Variants in TESK2 observed in about 807,000 individuals in gnomAD.
TESK2 encodes testis associated actin remodelling kinase 2, also known as dual specificity testis-specific protein kinase 2.
In TESK2, 39 loss-of-function variants were observed where a neutral mutation model predicts 57.1. The ratio of observed to expected loss-of-function variants is 0.68; its 90% CI spans 0.53 to 0.89. The LOEUF is 0.89. Ranked by LOEUF, TESK2 falls within the 40% of genes least tolerant of loss-of-function variation. TESK2 has a pLI of 0.00. For missense variants in TESK2, 646 were observed against 732.1 expected (o/e 0.88, Z 1.36); for synonymous variants, 249 against 267.9 (o/e 0.93, Z 0.69).
chr1:45,442,294 C>CT lies in TESK2; in HGVS notation c.222+15269dup, dbSNP rs76484911. ...GTATGTGAATTATTTCTCACTAAAG[C>CT]TTTTTTTTTTTTAAATTTACATTGA... On this transcript the variant is annotated intron_variant, in intron 2 of 10. Coordinates refer to ENST00000372086, the MANE Select transcript of TESK2 (RefSeq NM_007170.3). Among the ~76,000 whole-genome samples the CT allele has an allele frequency of 9.2e-4, 134 of 144,904 alleles. 1 individual carries two copies. Among genetic ancestry groups the CT allele is most frequent in the East Asian group, 8.0e-3 (40 of 5,016 alleles).
At chr1:45,398,666 C>T (rs990538132) in intron 3 of TESK2, 12 of 188,588 alleles carry the variant, frequency 6.4e-5, no homozygotes, top group African/African-American at 2.8e-4. Context: ...TTTTTGAGGG[C>T]AGGGATCCTG....
At chr1:45,432,088 A>G (rs1650989087) in intron 2 of TESK2, among the ~76,000 whole-genome samples, 1 of 151,912 alleles carries the variant, frequency 6.6e-6, no homozygotes, top group Non-Finnish European at 1.5e-5. Context: ...TCTACAAAAA[A>G]TACAAAAAAC....
intron 3 of TESK2, among the ~76,000 whole-genome samples, chr1:45,395,207 A>T (rs1649310911): frequency 6.6e-6 from 1 of 152,156 alleles, no homozygotes; most frequent in African/African-American, 2.4e-5. Flanking sequence ...TGAGAAATGC[A>T]TTCTTAGGTG....
chr1:45,344,096 G>C lies in TESK2; in HGVS notation c.*744C>G, dbSNP rs1647101834. The stretch of plus-strand genomic sequence containing the variant: ...CCCTGTATAAACCATTTAACCAATT[G>C]AATGTATCACATGTTGATAAATACA... On this transcript the variant is annotated 3_prime_UTR_variant, in exon 11 of 11. Transcript: ENST00000372086. 5.5e-6 allele frequency: 1 copy of C among 183,372 alleles called. No homozygotes were observed. The allele number at this position is 183,372 out of a possible 1,614,324, so 11.4% of individuals were successfully genotyped here.
intron 2 of TESK2, among the ~76,000 whole-genome samples, chr1:45,441,210 G>T (rs988399133): frequency 1.3e-5 from 2 of 152,036 alleles, no homozygotes; most frequent in Non-Finnish European, 2.9e-5. Flanking sequence ...TCGCTACATC[G>T]CCCAGGCTGG....
At chr1:45,417,016 G>A (rs1650272127) in intron 3 of TESK2, among the ~76,000 whole-genome samples, 1 of 151,864 alleles carries the variant, frequency 6.6e-6, no homozygotes, top group African/African-American at 2.4e-5. Flanking sequence ...TCGATCTCTT[G>A]ACCTCGTGAT....
chr1:45,442,270 T>C (rs1021065048), intron 2 of TESK2, among the ~76,000 whole-genome samples: 7 of 152,134 alleles, frequency 4.6e-5, no homozygotes, highest in African/African-American at 1.4e-4. Context: ...ACTTTTATGG[T>C]ATGTGAATTA....
chr1:45,385,045 C>A lies in TESK2; in HGVS notation c.393+867G>T, dbSNP rs559713433. On this transcript the variant is annotated intron_variant, in intron 4 of 10. Transcript: ENST00000372086. The stretch of plus-strand genomic sequence containing the variant: ...AGCCAGTAAAAAACCAACACTCTTG[C>A]AAATTCTGTTAAACAACTTTCCTTC... Among the ~76,000 whole-genome samples the A allele has an allele frequency of 2.7e-4, 41 of 152,250 alleles. 1 individual carries two copies. Among genetic ancestry groups the A allele is most frequent in the Admixed American group, 2.3e-3 (35 of 15,284 alleles).
intron 1 of TESK2, among the ~76,000 whole-genome samples, chr1:45,487,065 G>A (rs904450318): frequency 2.0e-5 from 3 of 151,854 alleles, no homozygotes; most frequent in African/African-American, 7.3e-5. Flanking sequence ...CTGACCTCAA[G>A]TGATCCACCC....
At chr1:45,443,492 C>A (rs1018926001) in intron 2 of TESK2, among the ~76,000 whole-genome samples, 4 of 145,002 alleles carry the variant, frequency 2.8e-5, no homozygotes, top group African/African-American at 1.0e-4. Flanking sequence ...ATCGCTTGAA[C>A]CCGGAAGGTG....
intron 3 of TESK2, among the ~76,000 whole-genome samples, chr1:45,406,890 T>A (rs1280522535): frequency 6.6e-6 from 1 of 152,178 alleles, no homozygotes; most frequent in Non-Finnish European, 1.5e-5. Context: ...CAACTCTTTT[T>A]AGCTATTTAT....
In TESK2 at chr1:45,454,362, T is replaced by C. The variant is rs377060740; in HGVS notation, c.222+3202A>G. Reference sequence around the variant, plus strand: ...ACCATGTGTACATACTTAACAGTTGTGTTAAGTATGTACTTAACATAATTA... The same window carrying C: ...ACCATGTGTACATACTTAACAGTTGCGTTAAGTATGTACTTAACATAATTA... On this transcript the variant is annotated intron_variant, in intron 2 of 10. Coordinates refer to ENST00000372086, the MANE Select transcript of TESK2 (RefSeq NM_007170.3). Among the ~76,000 whole-genome samples, 364 of 152,264 alleles carry C rather than the reference T, an allele frequency of 2.4e-3. 14 individuals carry two copies. In the South Asian group the frequency reaches 0.07, roughly 29 times the overall value.
chr1:45,385,647 A>T (rs1224333264), intron 4 of TESK2, among the ~76,000 whole-genome samples: 1 of 151,572 alleles, frequency 6.6e-6, no homozygotes, highest in Non-Finnish European at 1.5e-5. Flanking sequence ...ATAGAAGGAC[A>T]TTAAGAAATA....
rs577883519 is a variant in TESK2, at chr1:45,404,740, A to T, written c.344+16985T>A. ...GTATTTTTATTAGAGACGGGGTTTCACTATGTTGGCCAGGTTAGTCTCGAA... is the reference window on the plus strand; with the variant it reads ...GTATTTTTATTAGAGACGGGGTTTCTCTATGTTGGCCAGGTTAGTCTCGAA... On this transcript the variant is annotated intron_variant, in intron 3 of 10. Coordinates refer to ENST00000372086, the MANE Select transcript of TESK2 (RefSeq NM_007170.3). 2.6e-4 allele frequency among the ~76,000 whole-genome samples: 39 copies of T among 152,066 alleles called. 1 individual carries two copies. The South Asian group carries it at 8.1e-3, about 32-fold the overall frequency.
At chr1:45,431,131 G>A (rs1251882720) in intron 2 of TESK2, among the ~76,000 whole-genome samples, 1 of 152,204 alleles carries the variant, frequency 6.6e-6, no homozygotes, top group Non-Finnish European at 1.5e-5. Context: ...GTAAGAAGAT[G>A]CAAGAGGCCG....
intron 5 of TESK2, among the ~76,000 whole-genome samples, chr1:45,353,062 C>T (rs984377095): frequency 3.3e-5 from 5 of 152,092 alleles, no homozygotes; most frequent in African/African-American, 1.2e-4. Flanking sequence ...TCATGCCCGG[C>T]TAATTTTTGT....
chr1:45,439,991 G>A (rs369208140), intron 2 of TESK2, among the ~76,000 whole-genome samples: 16 of 150,408 alleles, frequency 1.1e-4, no homozygotes, highest in African/African-American at 3.9e-4. Context: ...ACAGAGTATC[G>A]CTAGGTCACC....
chr1:45,346,959 T>TC lies in TESK2; in HGVS notation c.792+19dup, dbSNP rs771789007. On this transcript the variant is annotated intron_variant, in intron 8 of 10. Transcript: ENST00000372086. ...AAACTAGCCCCATCAGTGGCAATGATCCCCATGCTTGCAGCTCACCTCTGT... is the reference window on the plus strand; with the variant it reads ...AAACTAGCCCCATCAGTGGCAATGATCCCCCATGCTTGCAGCTCACCTCTGT... 1 of 1,613,220 alleles carries TC rather than the reference T, an allele frequency of 6.2e-7. No individual in the cohort carries two copies. Among genetic ancestry groups the TC allele is most frequent in the South Asian group, 1.1e-5 (1 of 91,058 alleles).
In TESK2 at chr1:45,466,867, T is replaced by C. The variant is rs1652575506; in HGVS notation, c.-86-8996A>G. On this transcript the variant is annotated intron_variant, in intron 1 of 10. Coordinates refer to ENST00000372086, the MANE Select transcript of TESK2 (RefSeq NM_007170.3). ...ATAAAAACAGTGCCTACATTTTATA[T>C]TTATTAACTCATTTAATCCTTACAA... Among the ~76,000 whole-genome samples the C allele has an allele frequency of 2.0e-5, 3 of 151,890 alleles. No individual in the cohort carries two copies. In the South Asian group the frequency reaches 6.2e-4, roughly 31 times the overall value.
Sources: allele counts gnomAD v4.1 joint callset (sites outside exome capture counted in the v4.1 genomes callset), GRCh38; gene constraint gnomAD v4.1.1; transcripts MANE v1.5; gene names NCBI Gene and HGNC (gene_info 2026-07-23, HGNC 2026-07-21).